EPB41L4A: variants seen among roughly 807,000 people sequenced by gnomAD.
The protein encoded by EPB41L4A is band 4.1-like protein 4A.
EPB41L4A carries 100 observed loss-of-function variants against 108.6 expected under a neutral mutation model. That is an observed-to-expected ratio of 0.92 (90% CI 0.78 to 1.09). The LOEUF (loss-of-function observed/expected upper bound fraction) is 1.09, where lower values mean the gene tolerates loss of function less well. EPB41L4A is among the 50% of genes least tolerant of loss of function. The probability of loss-of-function intolerance (pLI) is 0.00; values close to 1 mark genes in which losing one functional copy is unlikely to be tolerated. For missense variants in EPB41L4A, 1,030 were observed against 842.7 expected (o/e 1.22, Z -2.75); for synonymous variants, 319 against 289.0 (o/e 1.10, Z -1.05).
chr5:112,174,850 T>C (rs1314956999), intron 18 of EPB41L4A, among the ~76,000 whole-genome samples: 1 of 152,214 alleles, frequency 6.6e-6, no homozygotes, highest in Non-Finnish European at 1.5e-5. Context: ...AAAACATCTT[T>C]ATTTAAGGAA....
Position 112,170,960 on chromosome 5 carries a change from A to G in EPB41L4A, c.1655T>C (p.Leu552Ser). 1 of 1,613,636 alleles carries G rather than the reference A, an allele frequency of 6.2e-7. No individual in the cohort carries two copies. Among genetic ancestry groups the G allele is most frequent in the Non-Finnish European group, 8.5e-7 (1 of 1,179,544 alleles). ...TATTACTCACTGAATGTGCTTCCAT[A>G]ACTCTTCTTTTGCTTGGATATCGGG... ...RSPDIQAKEE[L>S]WKHIQKELVD... Residue 552 changes from leucine (L) to serine (S), a missense_variant, in exon 19 of 23, where the codon TTA (leucine) becomes TCA (serine). Transcript: ENST00000261486.
At chr5:112,169,217 A>T (rs1580357316) in intron 20 of EPB41L4A, 112 bp from the exon 21 acceptor site, 2 of 754,018 alleles carry the variant, frequency 2.7e-6, no homozygotes, top group Non-Finnish European at 4.6e-6. Context: ...AGTTTTAAAA[A>T]GAACTTGACT....
chr5:112,159,012 G>C (rs4256389), downstream of EPB41L4A, among the ~76,000 whole-genome samples: 1 of 152,180 alleles, frequency 6.6e-6, no homozygotes, highest in East Asian at 1.9e-4. Flanking sequence ...TTTTGCCCCA[G>C]ATGTTACAGT....
At chr5:112,389,955 T>C (rs927633357) in intron 1 of EPB41L4A, among the ~76,000 whole-genome samples, 1 of 152,140 alleles carries the variant, frequency 6.6e-6, no homozygotes, top group Non-Finnish European at 1.5e-5. Flanking sequence ...CATGAAGGTA[T>C]AAAGGCGGTT....
intron 12 of EPB41L4A, among the ~76,000 whole-genome samples, chr5:112,147,342 A>C (rs1001765715): frequency 6.6e-6 from 1 of 152,192 alleles, no homozygotes; most frequent in African/African-American, 2.4e-5. Context: ...ATTTAGCATA[A>C]AGATTAGCAA....
intron 13 of EPB41L4A, among the ~76,000 whole-genome samples, 197 bp from the exon 14 acceptor site, chr5:112,205,701 TC>T: frequency 6.6e-6 from 1 of 152,216 alleles, no homozygotes; most frequent in African/African-American, 2.4e-5. Flanking sequence ...TTTGGGTCTT[TC>T]CCCCCTCTTT....
chr5:112,297,145 G>A (rs1754044505), intron 2 of EPB41L4A, among the ~76,000 whole-genome samples: 2 of 152,082 alleles, frequency 1.3e-5, no homozygotes, highest in South Asian at 2.1e-4. Flanking sequence ...TTTCCTCTGG[G>A]TGGATACCCA....
Position 112,264,661 on chromosome 5 carries a change from T to C in EPB41L4A, c.554+235A>G, listed in dbSNP as rs74541795. 7.0e-3 allele frequency: 2,211 copies of C among 318,014 alleles called. 52 individuals are homozygous for C. Among genetic ancestry groups the C allele is most frequent in the African/African-American group, 0.042 (1,951 of 46,284 alleles). 19.7% of individuals were successfully genotyped at this position (318,014 alleles called of 1,614,324 possible). On this transcript the variant is annotated intron_variant, in intron 6 of 22. Transcript: ENST00000261486. Reference sequence around the variant, plus strand: ...ATACAAAGAGATGTCTGAAAGGCCATTGACCAAAAAATGGTAACTTTACAT... The same window carrying C: ...ATACAAAGAGATGTCTGAAAGGCCACTGACCAAAAAATGGTAACTTTACAT...
chr5:112,273,411 G>T, intron 4 of EPB41L4A, among the ~76,000 whole-genome samples: 1 of 152,190 alleles, frequency 6.6e-6, no homozygotes, highest in East Asian at 1.9e-4. Flanking sequence ...GTTCATGTGT[G>T]TGGTGAACAG....
chr5:112,363,037 T>C (rs1395843671), intron 1 of EPB41L4A, among the ~76,000 whole-genome samples: 2 of 152,166 alleles, frequency 1.3e-5, no homozygotes, highest in African/African-American at 4.8e-5. Flanking sequence ...CCTGACTTCT[T>C]ACAATGCAAT....
chr5:112,365,153 C>T (rs969174821), intron 1 of EPB41L4A, among the ~76,000 whole-genome samples: 1 of 152,040 alleles, frequency 6.6e-6, no homozygotes, highest in Non-Finnish European at 1.5e-5. Context: ...TCTTAATAGG[C>T]CTGAATTATA....
intron 9 of EPB41L4A, among the ~76,000 whole-genome samples, chr5:112,258,900 C>G (rs531349729): frequency 1.3e-5 from 2 of 152,306 alleles, no homozygotes; most frequent in South Asian, 4.1e-4. Context: ...AGGCTATACC[C>G]TTCTGATTAT....
At chr5:112,185,723 G>A (rs1761394871) in intron 17 of EPB41L4A, among the ~76,000 whole-genome samples, 1 of 152,110 alleles carries the variant, frequency 6.6e-6, no homozygotes, top group Admixed American at 6.5e-5. Flanking sequence ...TACTGCTATG[G>A]ACCTTAATAT....
At chr5:112,316,316 G>A (rs905634078) in intron 1 of EPB41L4A, among the ~76,000 whole-genome samples, 1 of 152,136 alleles carries the variant, frequency 6.6e-6, no homozygotes, top group South Asian at 2.1e-4. Context: ...TTCTTATAAC[G>A]TTATGCCTTT....
rs1313596999 is a variant in EPB41L4A at position 112,336,552 on chromosome 5, A to G, written c.100-29062T>C. ...TTAGAGCTGTTCGCCAAATACTTCC[A>G]GTGGTACAAGAGCACTTTCCTGGTC... On this transcript the variant is annotated intron_variant, in intron 1 of 22. Transcript: ENST00000261486. 2.0e-5 allele frequency among the ~76,000 whole-genome samples: 3 copies of G among 152,182 alleles called. No individual in the cohort carries two copies. The East Asian group carries it at 5.8e-4, about 29-fold the overall frequency.
intron 12 of EPB41L4A, among the ~76,000 whole-genome samples, chr5:112,217,889 T>A (rs1426339262): frequency 2.0e-5 from 3 of 152,056 alleles, no homozygotes; most frequent in Non-Finnish European, 4.4e-5. Flanking sequence ...TAGGAAAACA[T>A]GTCTATGCAT....
intron 11 of EPB41L4A, among the ~76,000 whole-genome samples, chr5:112,238,122 A>G (rs1043704105): frequency 5.9e-5 from 9 of 152,194 alleles, no homozygotes; most frequent in Admixed American, 3.9e-4. Context: ...TAGTATGAAC[A>G]TTAAGACAGA....
intron 18 of EPB41L4A, among the ~76,000 whole-genome samples, chr5:112,182,988 T>C (rs1761234327): frequency 6.6e-6 from 1 of 152,238 alleles, no homozygotes; most frequent in African/African-American, 2.4e-5. Flanking sequence ...TCACTCATAA[T>C]GATGCATTAC....
At chr5:112,413,828 G>C (rs1762549102) in intron 1 of EPB41L4A, among the ~76,000 whole-genome samples, 1 of 152,216 alleles carries the variant, frequency 6.6e-6, no homozygotes, top group Non-Finnish European at 1.5e-5. Context: ...TGCATACCTA[G>C]AGGGCAAGTC....
Sources: gnomAD v4.1 joint callset for allele counts (sites outside exome capture counted in the v4.1 genomes callset) on GRCh38, gnomAD v4.1.1 for gene constraint, MANE v1.5 for transcripts, NCBI Gene and HGNC (gene_info 2026-07-23, HGNC 2026-07-21) for gene names.